CDK6: variants seen among roughly 807,000 people sequenced by gnomAD.
CDK6 encodes the protein cyclin-dependent kinase 6.
CDK6 carries 6 observed loss-of-function variants against 37.1 expected under a neutral mutation model. The ratio of observed to expected loss-of-function variants is 0.16; its 90% confidence interval spans 0.09 to 0.32. The LOEUF is 0.32. Ranked by LOEUF, CDK6 falls within the 10% of genes least tolerant of loss-of-function variation. The pLI, the probability that CDK6 is intolerant of heterozygous loss-of-function variation, is 1.00. For missense variants in CDK6, 224 were observed against 418.9 expected, an observed-to-expected ratio of 0.53 and a Z score of 4.06; for synonymous variants, 160 against 161.3, an observed-to-expected ratio of 0.99 and a Z score of 0.06.
At chr7:92,764,937 T>C (rs902196395) in intron 3 of CDK6, among the ~76,000 whole-genome samples, 1 of 152,214 alleles carries the variant, frequency 6.6e-6, no homozygotes, top group African/African-American at 2.4e-5. Flanking sequence ...TTGTTGGCAA[T>C]TGCTCTAGTA....
chr7:92,806,485 C>A (rs375036727), intron 2 of CDK6, among the ~76,000 whole-genome samples: 1 of 152,104 alleles, frequency 6.6e-6, no homozygotes, highest in Non-Finnish European at 1.5e-5. Context: ...TGGATATGCA[C>A]GTGTCCACAT....
At chr7:92,774,674 A>G in intron 3 of CDK6, 22 bp downstream of exon 3, 1 of 1,577,466 alleles carries the variant, frequency 6.3e-7, no homozygotes, top group Non-Finnish European at 8.6e-7. Context: ...GCCTGATAAG[A>G]CATGAAGATG....
intron 2 of CDK6, among the ~76,000 whole-genome samples, chr7:92,811,749 T>C (rs1014630303): frequency 2.0e-5 from 3 of 152,080 alleles, no homozygotes. Flanking sequence ...ATATTAGAAT[T>C]TGAAGATTTT....
intron 7 of CDK6, 146 bp from the exon 8 acceptor site, chr7:92,615,432 T>C (rs768848910): frequency 1.5e-6 from 1 of 675,460 alleles, no homozygotes; most frequent in Non-Finnish European, 2.5e-6. Flanking sequence ...CTAAATAATA[T>C]GGAGACAGTA....
chr7:92,787,222 C>A (rs1487144374), intron 2 of CDK6, among the ~76,000 whole-genome samples: 1 of 149,502 alleles, frequency 6.7e-6, no homozygotes, highest in African/African-American at 2.5e-5. Context: ...TAGCCAGTGG[C>A]TATTTCTGGG....
chr7:92,807,496 ATATC>A lies in CDK6; in HGVS notation c.233+25591_233+25594del, dbSNP rs552847539. ...TATCTACATAATTATATGTAAGTTTATATCTATCTAAAAATAAAATGTATTTAAC... is the reference window on the plus strand; with the variant it reads ...TATCTACATAATTATATGTAAGTTTATATCTAAAAATAAAATGTATTTAAC... On this transcript the variant is annotated intron_variant, in intron 2 of 7. Transcript: ENST00000424848. Among the ~76,000 whole-genome samples, 507 of 151,774 alleles carry A rather than the reference ATATC, an allele frequency of 3.3e-3. 2 individuals carry two copies. The highest frequency in any genetic ancestry group is 5.6e-3 in the Admixed American group (85 of 15,204).
At chr7:92,753,562 G>A (rs1020139626) in intron 3 of CDK6, among the ~76,000 whole-genome samples, 1 of 151,940 alleles carries the variant, frequency 6.6e-6, no homozygotes, top group Admixed American at 6.6e-5. Flanking sequence ...GTGCAACCTC[G>A]GCTCACTGCA....
chr7:92,814,194 T>C (rs1800963394), intron 2 of CDK6, among the ~76,000 whole-genome samples: 1 of 152,142 alleles, frequency 6.6e-6, no homozygotes, highest in Non-Finnish European at 1.5e-5. Context: ...ATATCAACAG[T>C]ATGAAAACCT....
intron 3 of CDK6, among the ~76,000 whole-genome samples, chr7:92,762,627 G>C (rs1217953591): frequency 6.6e-6 from 1 of 151,412 alleles, no homozygotes; most frequent in East Asian, 1.9e-4. Flanking sequence ...TAGCGCAGTG[G>C]CACAATCTCG....
At chr7:92,743,907 C>G (rs973123747) in intron 3 of CDK6, among the ~76,000 whole-genome samples, 3 of 152,054 alleles carry the variant, frequency 2.0e-5, no homozygotes, top group African/African-American at 4.8e-5. Flanking sequence ...CTGGGGAAGG[C>G]ATAAGGAAGA....
chr7:92,663,815 G>A (rs1796892405), intron 5 of CDK6, among the ~76,000 whole-genome samples: 1 of 151,924 alleles, frequency 6.6e-6, no homozygotes, highest in African/African-American at 2.4e-5. Flanking sequence ...ACCTTTTCCT[G>A]GGTACCATCT....
chr7:92,781,231 T>C (rs749124981), intron 2 of CDK6, among the ~76,000 whole-genome samples: 1 of 152,214 alleles, frequency 6.6e-6, no homozygotes, highest in African/African-American at 2.4e-5. Flanking sequence ...AGCCCCTAAC[T>C]CTCCCACAAA....
At chr7:92,792,902 A>G (rs1276747192) in intron 2 of CDK6, among the ~76,000 whole-genome samples, 1 of 151,920 alleles carries the variant, frequency 6.6e-6, no homozygotes, top group African/African-American at 2.4e-5. Context: ...TGGAGGCAAA[A>G]CATAAAACAA....
In CDK6 at chr7:92,614,260, T is replaced by TC. The variant is rs1323947258; in HGVS notation, c.*879dup. 5 of 232,926 alleles carry TC rather than the reference T, an allele frequency of 2.1e-5. No individual in the cohort carries two copies. Among genetic ancestry groups the TC allele is most frequent in the Non-Finnish European group, 3.4e-5 (4 of 117,944 alleles). 14.4% of individuals were successfully genotyped at this position (232,926 alleles called of 1,614,324 possible). A position where few individuals can be genotyped will look rare whatever the true frequency, so the allele number is the denominator to read the frequency against. On this transcript the variant is annotated 3_prime_UTR_variant, in exon 8 of 8. Transcript: ENST00000424848. Reference sequence around the variant, plus strand: ...AAACCAGGAAATAAAGGCTTTCTATTCTTTTTTTTAAAATCTATCTGAGGT... The same window carrying TC: ...AAACCAGGAAATAAAGGCTTTCTATTCCTTTTTTTTAAAATCTATCTGAGGT...
At chr7:92,764,053 A>T (rs925578051) in intron 3 of CDK6, among the ~76,000 whole-genome samples, 3 of 148,770 alleles carry the variant, frequency 2.0e-5, no homozygotes, top group South Asian at 4.2e-4. Flanking sequence ...TGTTGGGTTT[A>T]AAAAAAAAAC....
chr7:92,809,295 T>G (rs1244763486), intron 2 of CDK6, among the ~76,000 whole-genome samples: 1 of 152,180 alleles, frequency 6.6e-6, no homozygotes, highest in Non-Finnish European at 1.5e-5. Flanking sequence ...AATTTTCATC[T>G]CCAAATGTGC....
intron 5 of CDK6, among the ~76,000 whole-genome samples, chr7:92,644,243 G>A (rs1263268879): frequency 6.6e-6 from 1 of 152,162 alleles, no homozygotes; most frequent in Admixed American, 6.5e-5. Flanking sequence ...AGGAAGGGGA[G>A]ACCTAGGGTC....
At chr7:92,747,204 C>A (rs1799081954) in intron 3 of CDK6, among the ~76,000 whole-genome samples, 1 of 152,200 alleles carries the variant, frequency 6.6e-6, no homozygotes. Context: ...CAATGAGTAA[C>A]CAAGTCCTGT....
intron 6 of CDK6, among the ~76,000 whole-genome samples, chr7:92,620,234 T>G (rs1041597765): frequency 6.6e-6 from 1 of 152,200 alleles, no homozygotes; most frequent in Non-Finnish European, 1.5e-5. Flanking sequence ...TGTGTACATA[T>G]ACAAATAACT....
Sources: allele counts gnomAD v4.1 joint callset (sites outside exome capture counted in the v4.1 genomes callset), GRCh38; gene constraint gnomAD v4.1.1; transcripts MANE v1.5; gene names NCBI Gene and HGNC (gene_info 2026-07-23, HGNC 2026-07-21).